TAS2R1: variants seen among roughly 807,000 people sequenced by gnomAD.
The protein encoded by TAS2R1 is taste receptor type 2 member 1.
For missense variants in TAS2R1, 370 were observed against 353.4 expected (o/e 1.05, Z -0.38); for synonymous variants, 141 against 134.2 (o/e 1.05, Z -0.35).
At chr5:9,747,858 A>G in the TAS2R1 span, among the ~76,000 whole-genome samples, 1 of 151,480 alleles carries the variant, frequency 6.6e-6, no homozygotes, top group Admixed American at 6.6e-5. Flanking sequence ...TGGAGAGGCC[A>G]GTAAAGAGGA....
chr5:9,744,641 C>G, the TAS2R1 span, among the ~76,000 whole-genome samples: 1 of 152,084 alleles, frequency 6.6e-6, no homozygotes, highest in East Asian at 1.9e-4. Flanking sequence ...AGAGTGGTGT[C>G]TGGTTTGTTT....
At chr5:9,699,645 T>G (rs1273361848) in intron 1 of TAS2R1, among the ~76,000 whole-genome samples, 1 of 152,152 alleles carries the variant, frequency 6.6e-6, no homozygotes, top group African/African-American at 2.4e-5. Context: ...AGTGCTGCTT[T>G]TATGAAGTCT....
the TAS2R1 span, among the ~76,000 whole-genome samples, chr5:9,863,811 CAAGG>C: frequency 6.6e-6 from 1 of 152,274 alleles, no homozygotes; most frequent in Admixed American, 6.5e-5. Context: ...TGTTGGGACC[CAAGG>C]GTGAACACAC....
At chr5:9,776,764 T>C in the TAS2R1 span, among the ~76,000 whole-genome samples, 1 of 152,170 alleles carries the variant, frequency 6.6e-6, no homozygotes, top group Non-Finnish European at 1.5e-5. Context: ...TTTTCCTTCT[T>C]ACAGTCGTCT....
At chr5:9,643,446 G>A (rs574431703) in intron 2 of TAS2R1, among the ~76,000 whole-genome samples, 3 of 152,154 alleles carry the variant, frequency 2.0e-5, no homozygotes, top group Non-Finnish European at 2.9e-5. Flanking sequence ...TGTGTGTAGG[G>A]CAATTACCAT....
At chr5:9,828,919 CT>C in the TAS2R1 span, among the ~76,000 whole-genome samples, 1 of 152,144 alleles carries the variant, frequency 6.6e-6, no homozygotes, top group African/African-American at 2.4e-5. Context: ...TTTTATTTTA[CT>C]TCAGGTTGGT....
chr5:9,816,170 T>C, the TAS2R1 span, among the ~76,000 whole-genome samples: 1,129 of 152,286 alleles, frequency 7.4e-3, 11 homozygotes, highest in African/African-American at 0.026. Context: ...TGATCCACAG[T>C]TTATCAACTG....
chr5:9,867,732 T>C, the TAS2R1 span, among the ~76,000 whole-genome samples: 1 of 152,200 alleles, frequency 6.6e-6, no homozygotes, highest in East Asian at 1.9e-4. Flanking sequence ...CATTTCAACA[T>C]TAACTCAAAA....
the TAS2R1 span, among the ~76,000 whole-genome samples, chr5:9,720,603 C>A: frequency 6.6e-6 from 1 of 152,136 alleles, no homozygotes; most frequent in East Asian, 1.9e-4. Context: ...AGAGTGACTG[C>A]AGGAAAGGGT....
the TAS2R1 span, among the ~76,000 whole-genome samples, chr5:9,718,235 T>C: frequency 1.3e-5 from 2 of 151,804 alleles, no homozygotes; most frequent in Admixed American, 6.6e-5. Flanking sequence ...TCCCAAAGTG[T>C]TGGGATTACA....
chr5:9,665,947 A>G (rs1740625072), intron 1 of TAS2R1, among the ~76,000 whole-genome samples: 1 of 152,218 alleles, frequency 6.6e-6, no homozygotes, highest in African/African-American at 2.4e-5. Flanking sequence ...TTGAGCTAAT[A>G]GTTTAAGATG....
chr5:9,834,153 G>C, the TAS2R1 span, among the ~76,000 whole-genome samples: 27 of 152,198 alleles, frequency 1.8e-4, no homozygotes, highest in African/African-American at 6.3e-4. Flanking sequence ...AAGCAGAGCA[G>C]AACTGTTTCT....
At chr5:9,831,815 C>T in the TAS2R1 span, among the ~76,000 whole-genome samples, 45 of 152,054 alleles carry the variant, frequency 3.0e-4, no homozygotes, top group South Asian at 5.0e-3. Flanking sequence ...ATTATATTTG[C>T]GATTTTTATC....
chr5:9,738,182 C>A, the TAS2R1 span, among the ~76,000 whole-genome samples: 9 of 152,194 alleles, frequency 5.9e-5, no homozygotes, highest in African/African-American at 1.7e-4. Context: ...CTAGCACATT[C>A]TTTTAATTCC....
chr5:9,812,555 A>G, the TAS2R1 span, among the ~76,000 whole-genome samples: 1 of 152,076 alleles, frequency 6.6e-6, no homozygotes, highest in Non-Finnish European at 1.5e-5. Flanking sequence ...AAAAGTCAGT[A>G]GAGTGAGAAT....
chr5:9,851,707 T>C, the TAS2R1 span, among the ~76,000 whole-genome samples: 2 of 152,104 alleles, frequency 1.3e-5, no homozygotes. Flanking sequence ...GGCCAGCAGG[T>C]GGCCCAGTTG....
the TAS2R1 span, among the ~76,000 whole-genome samples, chr5:9,830,956 T>G: frequency 6.6e-6 from 1 of 152,196 alleles, no homozygotes; most frequent in South Asian, 2.1e-4. Context: ...TAAATTCCTA[T>G]GCATATGAAT....
At chr5:9,695,990 T>A (rs1383103477) in intron 1 of TAS2R1, among the ~76,000 whole-genome samples, 1 of 152,216 alleles carries the variant, frequency 6.6e-6, no homozygotes, top group Non-Finnish European at 1.5e-5. Flanking sequence ...AGTGTGCTAC[T>A]GGCTGTGCAG....
upstream of TAS2R1, chr5:9,714,115 A>G (rs10036822): frequency 0.14 from 21,597 of 152,136 alleles, 1,671 homozygotes; most frequent in Non-Finnish European, 0.16. Context: ...CATGTGCACA[A>G]ATGGCTTTAT....
Sources: allele counts gnomAD v4.1 joint callset (sites outside exome capture counted in the v4.1 genomes callset), GRCh38; gene constraint gnomAD v4.1.1; transcripts MANE v1.5; gene names NCBI Gene and HGNC (gene_info 2026-07-23, HGNC 2026-07-21).